Variants in TSPAN12 observed in about 807,000 individuals in gnomAD.
The protein encoded by TSPAN12 is tetraspanin-12.
In TSPAN12, 19 loss-of-function variants were observed where a neutral mutation model predicts 39.2. The observed-to-expected ratio is 0.49, with a 90% confidence interval of 0.34 to 0.71. TSPAN12 has a LOEUF of 0.71. Among genes scored for constraint, TSPAN12 ranks in the 30% least tolerant of loss-of-function variants. TSPAN12 has a pLI of 0.01. For synonymous variants in TSPAN12, 119 were observed against 124.8 expected (o/e 0.95, Z 0.31); for missense variants, 314 against 359.9 (o/e 0.87, Z 1.03).
At chr7:120,841,167 AAG>A (rs1020174087) in intron 2 of TSPAN12, among the ~76,000 whole-genome samples, 1 of 152,212 alleles carries the variant, frequency 6.6e-6, no homozygotes, top group African/African-American at 2.4e-5. Flanking sequence ...GTGTCACAAA[AAG>A]AGACAATTAC....
chr7:120,826,170 A>G (rs917870861), intron 4 of TSPAN12, among the ~76,000 whole-genome samples: 2 of 152,170 alleles, frequency 1.3e-5, no homozygotes, highest in Non-Finnish European at 2.9e-5. Context: ...TTACATTAAT[A>G]ATTGCTGAGC....
chr7:120,823,832 C>T (rs1181074123), intron 4 of TSPAN12, among the ~76,000 whole-genome samples: 1 of 152,158 alleles, frequency 6.6e-6, no homozygotes, highest in African/African-American at 2.4e-5. Context: ...AATTAGCTCT[C>T]TAAATTATGT....
chr7:120,807,406 G>T (rs4730982), intron 6 of TSPAN12, among the ~76,000 whole-genome samples: 116,998 of 151,994 alleles, frequency 0.77, 45,322 homozygotes, highest in East Asian at 0.95. Context: ...AGCAAAAACT[G>T]TCTCTGATCA....
At chr7:120,800,930 C>A (rs1793757621) in intron 7 of TSPAN12, among the ~76,000 whole-genome samples, 2 of 151,824 alleles carry the variant, frequency 1.3e-5, no homozygotes, top group African/African-American at 4.8e-5. Flanking sequence ...GCTGGGACTA[C>A]ACACATGCAC....
At chr7:120,816,145 G>A (rs969000346) in intron 4 of TSPAN12, among the ~76,000 whole-genome samples, 5 of 152,072 alleles carry the variant, frequency 3.3e-5, no homozygotes, top group Non-Finnish European at 5.9e-5. Flanking sequence ...CAAAGTGGAC[G>A]AGGTGAAGTC....
intron 5 of TSPAN12, among the ~76,000 whole-genome samples, chr7:120,814,565 C>T (rs1449290743): frequency 1.3e-5 from 2 of 152,184 alleles, no homozygotes; most frequent in East Asian, 3.8e-4. Context: ...AACCAGCATT[C>T]ACAGACATGC....
intron 2 of TSPAN12, among the ~76,000 whole-genome samples, chr7:120,848,152 T>C (rs1441129649): frequency 2.6e-5 from 4 of 152,184 alleles, no homozygotes; most frequent in Non-Finnish European, 5.9e-5. Context: ...AACATCTACT[T>C]TTCCTTCAAG....
At chr7:120,845,122 C>T (rs1215029299) in intron 2 of TSPAN12, among the ~76,000 whole-genome samples, 1 of 152,156 alleles carries the variant, frequency 6.6e-6, no homozygotes, top group Non-Finnish European at 1.5e-5. Context: ...TACCTGGGCC[C>T]CTTTAAGCCA....
Position 120,792,388 on chromosome 7 carries a change from A to G in TSPAN12, c.613-3491T>C, listed in dbSNP as rs568877919. 2.0e-5 allele frequency among the ~76,000 whole-genome samples: 3 copies of G among 152,322 alleles called. No individual in the cohort carries two copies. The South Asian group carries it at 6.2e-4, about 32-fold the overall frequency. On this transcript the variant is annotated intron_variant, in intron 7 of 7. Coordinates refer to ENST00000222747, the MANE Select transcript of TSPAN12 (RefSeq NM_012338.4). Reference sequence around the variant, plus strand: ...AGGTTACCAACGACAGTTAGAGGTAACTATTGATCTCTGAGGCTGCCTGAG... The same window carrying G: ...AGGTTACCAACGACAGTTAGAGGTAGCTATTGATCTCTGAGGCTGCCTGAG...
At chr7:120,793,868 T>G (rs983663312) in intron 7 of TSPAN12, among the ~76,000 whole-genome samples, 2 of 152,226 alleles carry the variant, frequency 1.3e-5, no homozygotes, top group South Asian at 2.1e-4. Flanking sequence ...ATTGAAGATA[T>G]TTTTTCTCGA....
At chr7:120,854,576 C>T (rs941481044) in intron 2 of TSPAN12, among the ~76,000 whole-genome samples, 43 of 152,256 alleles carry the variant, frequency 2.8e-4, no homozygotes, top group African/African-American at 1.0e-3. Flanking sequence ...TAGTAAGAAG[C>T]GTTAGCTATT....
At chr7:120,793,745 C>G (rs1413835722) in intron 7 of TSPAN12, among the ~76,000 whole-genome samples, 1 of 152,212 alleles carries the variant, frequency 6.6e-6, no homozygotes, top group East Asian at 1.9e-4. Flanking sequence ...AATATGCCAA[C>G]TTGCAATATA....
chr7:120,841,607 TTTGA>T lies in TSPAN12; in HGVS notation c.67-1502_67-1499del, dbSNP rs368656851. On this transcript the variant is annotated intron_variant, in intron 2 of 7. Coordinates refer to ENST00000222747, the MANE Select transcript of TSPAN12 (RefSeq NM_012338.4). ...ATGTTTGGAAATATTAAGAAACTAC[TTTGA>T]TTATTTTAGGTATGAGAATATATTA... is the stretch of plus-strand genomic sequence containing the variant. 3.4e-4 allele frequency among the ~76,000 whole-genome samples: 43 copies of T among 125,502 alleles called. No homozygotes were observed. In the East Asian group the frequency reaches 9.4e-3, roughly 27 times the overall value. The allele number at this position is 125,502 out of a possible 152,430, so 82.3% of individuals were successfully genotyped here.
intron 7 of TSPAN12, among the ~76,000 whole-genome samples, chr7:120,796,204 G>T (rs973898234): frequency 2.6e-5 from 4 of 152,146 alleles, no homozygotes; most frequent in African/African-American, 9.7e-5. Flanking sequence ...TCTCTCTTGG[G>T]GGCCCATTTG....
At chr7:120,820,676 T>C (rs573328524) in intron 4 of TSPAN12, among the ~76,000 whole-genome samples, 20 of 152,282 alleles carry the variant, frequency 1.3e-4, no homozygotes, top group African/African-American at 3.8e-4. Flanking sequence ...GATCATCAGT[T>C]CTGGCTGGCA....
chr7:120,818,912 C>A, intron 4 of TSPAN12, among the ~76,000 whole-genome samples: 1 of 152,150 alleles, frequency 6.6e-6, no homozygotes, highest in Non-Finnish European at 1.5e-5. Flanking sequence ...CAATTTTTAT[C>A]CGACCTTTCT....
chr7:120,822,057 T>G lies in TSPAN12; in HGVS notation c.286-6254A>C, dbSNP rs1483884508. Among the ~76,000 whole-genome samples, 40 of 152,124 alleles carry G rather than the reference T, an allele frequency of 2.6e-4. 1 individual carries two copies. The highest frequency in any genetic ancestry group is 2.6e-3 in the Admixed American group (40 of 15,256). On this transcript the variant is annotated intron_variant, in intron 4 of 7. Transcript: ENST00000222747. ...GTCTGTTATCTTAAACAAACTGAGG[T>G]TGGTCACAGAATGACCAGAATGACA... is the stretch of plus-strand genomic sequence containing the variant.
intron 7 of TSPAN12, among the ~76,000 whole-genome samples, chr7:120,791,441 A>G (rs1793521255): frequency 6.6e-6 from 1 of 152,208 alleles, no homozygotes; most frequent in Admixed American, 6.5e-5. Flanking sequence ...ATAACAATGT[A>G]TTAGTTATTC....
At chr7:120,807,732 A>G (rs1170747405) in intron 6 of TSPAN12, among the ~76,000 whole-genome samples, 3 of 152,092 alleles carry the variant, frequency 2.0e-5, no homozygotes, top group South Asian at 2.1e-4. Context: ...TGAAAATACC[A>G]CAAAGTATTT....
Sources: allele counts gnomAD v4.1 joint callset (sites outside exome capture counted in the v4.1 genomes callset), GRCh38; gene constraint gnomAD v4.1.1; transcripts MANE v1.5; gene names NCBI Gene and HGNC (gene_info 2026-07-23, HGNC 2026-07-21).